The following ZFX variants were observed in gnomAD, a reference collection of about 807,000 sequenced individuals.
ZFX encodes the protein zinc finger protein X-linked.
For missense variants in ZFX, 362 were observed against 628.3 expected (o/e 0.58, Z 4.53); for synonymous variants, 196 against 226.8 (o/e 0.86, Z 1.22).
intron 5 of ZFX, among the ~76,000 whole-genome samples, chrX:24,196,985 C>T (rs779371930): frequency 8.9e-6 from 1 of 111,971 alleles, no homozygotes; most frequent in South Asian, 3.7e-4. Flanking sequence ...TAGCCACTAG[C>T]CACATATTTG....
intron 5 of ZFX, among the ~76,000 whole-genome samples, chrX:24,199,526 G>A (rs1377697031): frequency 9.0e-6 from 1 of 111,086 alleles, no homozygotes; most frequent in African/African-American, 3.3e-5. Flanking sequence ...AAAGAGCTGG[G>A]ATTATAGGTG....
chrX:24,210,460 G>T lies in ZFX; in HGVS notation c.1502G>T (p.Gly501Val). 8.3e-7 allele frequency: 1 copy of T among 1,211,739 alleles called. No individual in the cohort carries two copies. The highest frequency in any genetic ancestry group is 1.1e-6 in the Non-Finnish European group (1 of 895,575). ...DECGKHFSHA[G>V]ALFTHKMVHK... ...TGTGGGAAGCATTTCTCTCATGCAG[G>T]GGCTTTGTTTACTCACAAAATGGTG... is the stretch of plus-strand genomic sequence containing the variant. The change falls in exon 10 of 10, where the codon GGG becomes GTG. Residue 501 changes from glycine to valine, a missense_variant. By Grantham distance (109) the Gly-to-Val change is moderately radical. Coordinates refer to ENST00000304543, the MANE Select transcript of ZFX (RefSeq NM_003410.4).
chrX:24,191,504 C>T (rs1391220054), intron 5 of ZFX, among the ~76,000 whole-genome samples: 1 of 111,605 alleles, frequency 9.0e-6, no homozygotes, highest in Admixed American at 9.5e-5. Flanking sequence ...TGACAGAATA[C>T]TTCCTGCAAG....
At chrX:24,183,263 C>T (rs1267875514) in intron 5 of ZFX, among the ~76,000 whole-genome samples, 1 of 111,986 alleles carries the variant, frequency 8.9e-6, no homozygotes, top group Non-Finnish European at 1.9e-5. Context: ...TGGCTTACTG[C>T]AACCTCCGCC....
At chrX:24,170,608 AT>A (rs1217226048) in intron 3 of ZFX, among the ~76,000 whole-genome samples, 151 of 85,930 alleles carry the variant, frequency 1.8e-3, no homozygotes, top group Middle Eastern at 6.8e-3. Context: ...TTTTTCTTTA[AT>A]TTTTTTTTTT....
chrX:24,170,293 A>G (rs2147476313), intron 3 of ZFX, among the ~76,000 whole-genome samples: 1 of 107,958 alleles, frequency 9.3e-6, no homozygotes, highest in East Asian at 2.9e-4. Flanking sequence ...AGTAGCTGGG[A>G]TTACAGGCAC....
chrX:24,208,292 G>A lies in ZFX; in HGVS notation c.1015G>A (p.Ala339Thr). Residue 339 changes from alanine (A) to threonine (T), a missense_variant, in exon 8 of 10, where the codon GCC (alanine) becomes ACC (threonine). Coordinates refer to ENST00000304543, the MANE Select transcript of ZFX (RefSeq NM_003410.4). ...GEEDAAAAAA[A>T]AAVHEQQMDD... Reference sequence around the variant, plus strand: ...GGAGGATGCTGCAGCAGCAGCGGCAGCCGCCGCCGTGCACGAGCAGCAAAT... The same window carrying A: ...GGAGGATGCTGCAGCAGCAGCGGCAACCGCCGCCGTGCACGAGCAGCAAAT... 8.3e-7 allele frequency: 1 copy of A among 1,210,306 alleles called. No homozygotes were observed. The highest frequency in any genetic ancestry group is 1.1e-6 in the Non-Finnish European group (1 of 895,118).
Position 24,212,127 on chromosome X carries a change from T to C in ZFX, c.*751T>C, listed in dbSNP as rs921550184. The C allele has an allele frequency of 1.8e-5, 2 of 112,619 alleles. No homozygotes were observed. Among genetic ancestry groups the C allele is most frequent in the Non-Finnish European group, 3.7e-5 (2 of 53,347 alleles). The allele number at this position is 112,619 out of a possible 1,213,427, so 9.3% of individuals were successfully genotyped here. A position where few individuals can be genotyped will look rare whatever the true frequency, so the allele number is the denominator to read the frequency against. On this transcript the variant is annotated 3_prime_UTR_variant, in exon 10 of 10. Coordinates refer to ENST00000304543, the MANE Select transcript of ZFX (RefSeq NM_003410.4). ...GTGCGGCTTCATCTTGGAATGGTTGTGTGCTACAAATGACACTTACTGAGG... is the reference window on the plus strand; with the variant it reads ...GTGCGGCTTCATCTTGGAATGGTTGCGTGCTACAAATGACACTTACTGAGG...
In ZFX at chrX:24,211,600, T is replaced by C; in HGVS notation, c.*224T>C. 2 of 396,264 alleles carry C rather than the reference T, an allele frequency of 5.0e-6. No homozygotes were observed. Among genetic ancestry groups the C allele is most frequent in the South Asian group, 5.1e-5 (1 of 19,484 alleles). 32.7% of individuals were successfully genotyped at this position (396,264 alleles called of 1,213,427 possible). ...TAAATAGGGAAAACTGGCAACATGC[T>C]AGTTACTTTTAATAAAGTAATCCCT... On this transcript the variant is annotated 3_prime_UTR_variant, in exon 10 of 10. Coordinates refer to ENST00000304543, the MANE Select transcript of ZFX (RefSeq NM_003410.4).
intron 3 of ZFX, among the ~76,000 whole-genome samples, chrX:24,172,511 G>A: frequency 8.9e-6 from 1 of 112,309 alleles, no homozygotes. Flanking sequence ...AAGTTGACTT[G>A]TTTATCTGCC....
At chrX:24,162,619 T>G (rs1933472617) in intron 3 of ZFX, among the ~76,000 whole-genome samples, 1 of 111,974 alleles carries the variant, frequency 8.9e-6, no homozygotes, top group South Asian at 3.7e-4. Context: ...ATAACTGACA[T>G]CATTCTCATA....
chrX:24,163,651 T>G (rs1287668346), intron 3 of ZFX, among the ~76,000 whole-genome samples: 1 of 106,712 alleles, frequency 9.4e-6, no homozygotes, highest in Non-Finnish European at 1.9e-5. Context: ...GTGCTGGGAT[T>G]ACAGGCATTA....
chrX:24,209,495 G>A (rs1342192084), intron 9 of ZFX, among the ~76,000 whole-genome samples: 2 of 112,241 alleles, frequency 1.8e-5, no homozygotes, highest in Admixed American at 9.4e-5. Context: ...GTAAGTTAAC[G>A]TAAGTTATGT....
rs184685148 is a variant in ZFX, at chrX:24,212,486, A to G, written c.*1110A>G. On this transcript the variant is annotated 3_prime_UTR_variant, in exon 10 of 10. Coordinates refer to ENST00000304543, the MANE Select transcript of ZFX (RefSeq NM_003410.4). ...AGAGTAAAGATATTTTCTTTTAAAT[A>G]TCTTTGGTAATTGAAACATAGAGGT... 3 of 112,542 alleles carry G rather than the reference A, an allele frequency of 2.7e-5. No homozygotes were observed. The highest frequency in any genetic ancestry group is 2.8e-4 in the East Asian group (1 of 3,598). 9.3% of individuals were successfully genotyped at this position (112,542 alleles called of 1,213,427 possible). A position where few individuals can be genotyped will look rare whatever the true frequency, so the allele number is the denominator to read the frequency against.
intron 3 of ZFX, among the ~76,000 whole-genome samples, chrX:24,166,815 A>G (rs1038068422): frequency 6.2e-5 from 7 of 112,017 alleles, no homozygotes; most frequent in Admixed American, 3.8e-4. Context: ...TCAGAATATG[A>G]TGAATTTTTG....
chrX:24,150,732 A>G (rs184087956), intron 1 of ZFX: 1 of 113,195 alleles, frequency 8.8e-6, no homozygotes, highest in South Asian at 3.5e-4. Context: ...AAGTCAAATC[A>G]TATGTGGCTG....
chrX:24,172,374 C>A (rs1024323463), intron 3 of ZFX, among the ~76,000 whole-genome samples: 1 of 111,770 alleles, frequency 8.9e-6, no homozygotes, highest in Non-Finnish European at 1.9e-5. Context: ...GTCTTAAAAG[C>A]GTTCTATATT....
intron 3 of ZFX, among the ~76,000 whole-genome samples, chrX:24,155,338 G>A (rs1316597874): frequency 9.0e-6 from 1 of 111,361 alleles, no homozygotes. Context: ...TAATTTTTAA[G>A]AGTGCAAAGG....
intron 1 of ZFX, chrX:24,150,540 G>C (rs1187187938): frequency 8.8e-6 from 1 of 113,148 alleles, no homozygotes; most frequent in Admixed American, 9.2e-5. Context: ...CTGCGTTTCA[G>C]CTGAGCTGCC....
Sources: gnomAD v4.1 joint callset for allele counts (sites outside exome capture counted in the v4.1 genomes callset) on GRCh38, gnomAD v4.1.1 for gene constraint, MANE v1.5 for transcripts, NCBI Gene and HGNC (gene_info 2026-07-23, HGNC 2026-07-21) for gene names.